Variants in XPO6 observed in about 807,000 individuals in gnomAD.
XPO6 encodes exportin 6.
A neutral mutation model predicts 130.0 loss-of-function variants in XPO6; 3 were observed. The observed-to-expected ratio is 0.02, with a 90% CI of 0.01 to 0.06. The LOEUF is 0.06. XPO6 is among the 10% of genes least tolerant of loss of function. The probability of loss-of-function intolerance (pLI) is 1.00; values close to 1 mark genes in which losing one functional copy is unlikely to be tolerated. For missense variants in XPO6, 970 were observed against 1,393.0 expected, an observed-to-expected ratio of 0.70 and a Z score of 4.83; for synonymous variants, 524 against 548.9, an observed-to-expected ratio of 0.95 and a Z score of 0.63.
intron 8 of XPO6, among the ~76,000 whole-genome samples, chr16:28,146,756 T>TC (rs2042990045): frequency 6.6e-6 from 1 of 152,202 alleles, no homozygotes; most frequent in Non-Finnish European, 1.5e-5. Context: ...AGTCTGACCC[T>TC]CAGGGCATTA....
chr16:28,165,922 T>C (rs552792695), intron 6 of XPO6, among the ~76,000 whole-genome samples: 3 of 152,336 alleles, frequency 2.0e-5, no homozygotes, highest in South Asian at 4.1e-4. Context: ...ACTCTGAATT[T>C]TGAAGCAGAT....
chr16:28,144,284 C>T (rs1045857607), intron 9 of XPO6, among the ~76,000 whole-genome samples: 4 of 152,174 alleles, frequency 2.6e-5, no homozygotes, highest in African/African-American at 7.2e-5. Context: ...ATTACAAAAA[C>T]CATCTTTGGG....
At chr16:28,112,683 G>A (rs886330505) in intron 16 of XPO6, among the ~76,000 whole-genome samples, 5 of 152,256 alleles carry the variant, frequency 3.3e-5, no homozygotes, top group African/African-American at 4.8e-5. Context: ...ACACTGGGAG[G>A]TGCTTTTCCA....
chr16:28,169,809 T>G lies in XPO6; in HGVS notation c.506A>C (p.Lys169Thr). The change falls in exon 5 of 24, where the codon AAG becomes ACG. Residue 169 changes from lysine to threonine, a missense_variant. This residue lies in a region of XPO6 where 936 missense variants were observed against 1,306.8 expected (regional missense o/e 0.72). Transcript: ENST00000304658. Reference sequence around the variant, plus strand: ...CAGTAGCAGCTTCCGCAACTCCTCCTTCCGAGCCACACTGAGGTCCTCACG... The same window carrying G: ...CAGTAGCAGCTTCCGCAACTCCTCCGTCCGAGCCACACTGAGGTCCTCACG... ...CPREDLSVARKEELRKLLLDQ... is the reference protein window; with the variant it reads ...CPREDLSVARTEELRKLLLDQ... The G allele has an allele frequency of 6.2e-7, 1 of 1,614,090 alleles. No homozygotes were observed. The highest frequency in any genetic ancestry group is 8.5e-7 in the Non-Finnish European group (1 of 1,179,986).
chr16:28,209,501 A>G (rs2141922727), intron 1 of XPO6, among the ~76,000 whole-genome samples: 1 of 152,124 alleles, frequency 6.6e-6, no homozygotes, highest in African/African-American at 2.4e-5. Flanking sequence ...TTAGCCGGGC[A>G]TGGTGGCGCA....
In XPO6 at chr16:28,125,817, G is replaced by A. The variant is rs753418484; in HGVS notation, c.1638C>T (p.Asp546=). Residue 546 remains aspartate, a synonymous_variant, in exon 13 of 24, where the codon GAC becomes GAT. Transcript: ENST00000304658. The part of the protein sequence containing the change: ...GHRLNITAEN[D]CRRLHCSLRD... Reference sequence around the variant, plus strand: ...TCAGGGAGCAGTGCAGCCGCCGGCAGTCGTTCTCCGCCGTGATGTTCAACC... The same window carrying A: ...TCAGGGAGCAGTGCAGCCGCCGGCAATCGTTCTCCGCCGTGATGTTCAACC... The A allele has an allele frequency of 2.5e-6, 4 of 1,614,140 alleles. No homozygotes were observed. In the East Asian group the frequency reaches 8.9e-5, roughly 36 times the overall value.
At chr16:28,113,147 T>G (rs2086971471) in intron 15 of XPO6, 97 bp from the exon 16 acceptor site, 5 of 1,460,282 alleles carry the variant, frequency 3.4e-6, no homozygotes, top group Admixed American at 4.5e-5. Context: ...CATTCTTGGT[T>G]TCCAAATTAC....
At chr16:28,130,655 G>T (rs1188950989) in intron 12 of XPO6, among the ~76,000 whole-genome samples, 1 of 152,186 alleles carries the variant, frequency 6.6e-6, no homozygotes, top group East Asian at 1.9e-4. Context: ...CAGTGCTGAG[G>T]ATGAGATTTA....
At chr16:28,167,348 G>A in intron 5 of XPO6, 1 of 985,368 alleles carries the variant, frequency 1.0e-6, no homozygotes, top group Non-Finnish European at 1.2e-6. Flanking sequence ...CAGGAAACAG[G>A]CTGGAAATCC....
intron 11 of XPO6, among the ~76,000 whole-genome samples, chr16:28,133,548 A>C (rs569513953): frequency 6.6e-6 from 1 of 152,334 alleles, no homozygotes; most frequent in South Asian, 2.1e-4. Context: ...AACTTCTATA[A>C]GTAACAGCTC....
chr16:28,167,601 C>A (rs2043377876), intron 5 of XPO6, among the ~76,000 whole-genome samples: 1 of 152,214 alleles, frequency 6.6e-6, no homozygotes, highest in Non-Finnish European at 1.5e-5. Context: ...AAACATACCT[C>A]TATTTAGCTC....
chr16:28,104,630 G>T lies in XPO6; in HGVS notation c.2862C>A (p.Phe954Leu). The T allele has an allele frequency of 6.2e-7, 1 of 1,614,194 alleles. No individual in the cohort carries two copies. The highest frequency in any genetic ancestry group is 8.5e-7 in the Non-Finnish European group (1 of 1,180,034). ...RTLHHNWRYFFKSTVLASVQR... is the reference protein window; with the variant it reads ...RTLHHNWRYFLKSTVLASVQR... ...GGACACTGGCCAGCACGGTGGACTT[G>T]AAGAAGTACCTCCAGTTGTGATGGA... The change falls in exon 21 of 24, where the codon TTC (phenylalanine) becomes TTA (leucine). Residue 954 changes from phenylalanine to leucine, a missense_variant. Phe to Leu is a conservative substitution (Grantham distance 22). Around this residue, in one of 4 missense-constraint regions of XPO6, gnomAD observed 936 missense variants for 1,306.8 expected, o/e 0.72. Coordinates refer to ENST00000304658, the MANE Select transcript of XPO6 (RefSeq NM_015171.4).
chr16:28,206,793 C>T (rs1451370851), intron 1 of XPO6, among the ~76,000 whole-genome samples: 1 of 152,168 alleles, frequency 6.6e-6, no homozygotes, highest in Non-Finnish European at 1.5e-5. Context: ...CTGAACCTTT[C>T]CCTGCCATCT....
rs200025604 is a variant in XPO6, at chr16:28,121,741, G to A, written c.1788C>T (p.Tyr596=). 9 of 1,613,472 alleles carry A rather than the reference G, an allele frequency of 5.6e-6. No individual in the cohort carries two copies. The highest frequency in any genetic ancestry group is 2.7e-5 in the African/African-American group (2 of 74,912). Reference sequence around the variant, plus strand: ...TGTTGTACAATTTTATCTGAGATCCGTACAGAGTGACTTTGACCAACCTGT... The same window carrying A: ...TGTTGTACAATTTTATCTGAGATCCATACAGAGTGACTTTGACCAACCTGT... ...VVERLVKVTL[Y]GSQIKLYNIE... The change falls in exon 14 of 24, where the codon TAC becomes TAT. Residue 596 remains tyrosine (Y), a synonymous_variant. Transcript: ENST00000304658.
At chr16:28,140,544 G>A (rs1219063161) in intron 9 of XPO6, among the ~76,000 whole-genome samples, 2 of 151,830 alleles carry the variant, frequency 1.3e-5, no homozygotes, top group African/African-American at 4.8e-5. Flanking sequence ...TGAGTGTGGT[G>A]GTTTGTGCCT....
At chr16:28,128,405 A>C (rs1396795466) in intron 12 of XPO6, among the ~76,000 whole-genome samples, 1 of 152,086 alleles carries the variant, frequency 6.6e-6, no homozygotes, top group African/African-American at 2.4e-5. Flanking sequence ...CCACATGCTC[A>C]ACCTTCATTT....
At chr16:28,154,033 G>A in intron 7 of XPO6, 1 of 984,730 alleles carries the variant, frequency 1.0e-6, no homozygotes, top group South Asian at 4.7e-5. Context: ...TGGATCATGG[G>A]GCCAAGTACT....
At chr16:28,178,766 A>C (rs1177280731) in intron 2 of XPO6, among the ~76,000 whole-genome samples, 1 of 20,206 alleles carries the variant, frequency 4.9e-5, no homozygotes, top group Non-Finnish European at 1.7e-4. Context: ...AAACAAAACA[A>C]AAAAAAAAAA....
intron 6 of XPO6, among the ~76,000 whole-genome samples, chr16:28,164,428 C>CT (rs2043324721): frequency 6.6e-6 from 1 of 152,186 alleles, no homozygotes; most frequent in African/African-American, 2.4e-5. Flanking sequence ...ACTTCACTTA[C>CT]ATTACCATAA....
Sources: gnomAD v4.1 joint callset for allele counts (sites outside exome capture counted in the v4.1 genomes callset) on GRCh38, gnomAD v4.1.1 for gene constraint, gnomAD v4.1.1 regional missense constraint, MANE v1.5 for transcripts, NCBI Gene and HGNC (gene_info 2026-07-23, HGNC 2026-07-21) for gene names.